Variants in SLC28A1 observed in about 807,000 individuals in gnomAD.
The protein encoded by SLC28A1 is solute carrier family 28 member 1.
Under a neutral mutation model 74.8 loss-of-function variants are expected in SLC28A1, and 64 were observed. The observed-to-expected ratio is 0.86, with a 90% CI of 0.70 to 1.05. The LOEUF is 1.05. SLC28A1 is among the 50% of genes least tolerant of loss of function. The probability of loss-of-function intolerance (pLI) is 0.00; values close to 1 mark genes in which losing one functional copy is unlikely to be tolerated. For synonymous variants in SLC28A1, 359 were observed against 335.0 expected (o/e 1.07, Z -0.78); for missense variants, 828 against 822.8 (o/e 1.01, Z -0.08).
chr15:84,953,817 G>C, the SLC28A1 span, among the ~76,000 whole-genome samples: 28 of 152,292 alleles, frequency 1.8e-4, no homozygotes, highest in African/African-American at 6.3e-4. Context: ...AATCAGAGGG[G>C]TATATTACTT....
At chr15:84,909,654 A>C (rs1967840116) in intron 9 of SLC28A1, among the ~76,000 whole-genome samples, 1 of 152,042 alleles carries the variant, frequency 6.6e-6, no homozygotes, top group Non-Finnish European at 1.5e-5. Context: ...CCTGTCTTAC[A>C]CTCCAACTGT....
chr15:84,893,345 C>T (rs1262220725), intron 5 of SLC28A1, among the ~76,000 whole-genome samples: 1 of 152,188 alleles, frequency 6.6e-6, no homozygotes, highest in Non-Finnish European at 1.5e-5. Flanking sequence ...CCCCCATGGC[C>T]GGTGCCAGCA....
At chr15:84,959,716 T>G in the SLC28A1 span, among the ~76,000 whole-genome samples, 1 of 152,224 alleles carries the variant, frequency 6.6e-6, no homozygotes, top group Non-Finnish European at 1.5e-5. Flanking sequence ...AGTAATATCA[T>G]TTCCTGTGTC....
Position 84,888,810 on chromosome 15 carries a change from A to G in SLC28A1, c.135A>G (p.Ala45=). 6.4e-7 allele frequency: 1 copy of G among 1,554,916 alleles called. No individual in the cohort carries two copies. The highest frequency in any genetic ancestry group is 1.4e-5 in the African/African-American group (1 of 73,332). Residue 45 remains alanine, a synonymous_variant, in exon 4 of 19, where the codon GCA becomes GCG. Transcript: ENST00000394573. ...TCCCTAGGAGTGACTTGAGCCCCGCAGAGATCAGGAGCAGCTGGAGCGAGG... is the reference window on the plus strand; with the variant it reads ...TCCCTAGGAGTGACTTGAGCCCCGCGGAGATCAGGAGCAGCTGGAGCGAGG... ...GQLPRSDLSP[A]EIRSSWSEAA...
intron 2 of SLC28A1, chr15:84,887,432 C>T (rs1420122667): frequency 6.1e-6 from 6 of 983,550 alleles, no homozygotes; most frequent in African/African-American, 1.7e-5. Context: ...GCCTGTAATC[C>T]CAACACTTTG....
the SLC28A1 span, among the ~76,000 whole-genome samples, chr15:84,972,242 G>A: frequency 6.6e-6 from 1 of 152,214 alleles, no homozygotes; most frequent in Non-Finnish European, 1.5e-5. Flanking sequence ...GGAGGAAAGG[G>A]ATGGAAAGAA....
At chr15:84,919,461 G>T (rs1349230852) in intron 10 of SLC28A1, among the ~76,000 whole-genome samples, 1 of 152,294 alleles carries the variant, frequency 6.6e-6, no homozygotes, top group African/African-American at 2.4e-5. Flanking sequence ...ATAAAGAAAA[G>T]AGATTTATTT....
the SLC28A1 span, among the ~76,000 whole-genome samples, chr15:84,960,458 A>G: frequency 6.6e-6 from 1 of 151,914 alleles, no homozygotes; most frequent in African/African-American, 2.4e-5. Flanking sequence ...GGGTTGCACT[A>G]TGTTGCCCAG....
the SLC28A1 span, among the ~76,000 whole-genome samples, chr15:84,958,262 G>A: frequency 2.0e-3 from 306 of 152,262 alleles, 1 homozygote; most frequent in African/African-American, 7.1e-3. Context: ...CTGGAACCCT[G>A]TGTTATCTTA....
At chr15:84,972,590 C>T in the SLC28A1 span, among the ~76,000 whole-genome samples, 1 of 152,226 alleles carries the variant, frequency 6.6e-6, no homozygotes, top group Admixed American at 6.5e-5. Context: ...AATCTCAATA[C>T]TTCTAGCCAC....
chr15:84,928,518 G>GGTTCTTTC lies in SLC28A1; in HGVS notation c.1083+4412_1083+4413insTTTCGTTC, dbSNP rs1555453765. Among the ~76,000 whole-genome samples the GGTTCTTTC allele has an allele frequency of 1.8e-4, 6 of 34,064 alleles. 1 individual carries two copies. Among genetic ancestry groups the GGTTCTTTC allele is most frequent in the Admixed American group, 6.3e-4 (2 of 3,176 alleles). 22.3% of individuals were successfully genotyped at this position (34,064 alleles called of 152,430 possible). ...TCTTGCCCTTTCCTTCAAGCTCCCA[G>GGTTCTTTC]GTTCGTTCGTTCTTTCTTTCTTTCT... is the stretch of plus-strand genomic sequence containing the variant. On this transcript the variant is annotated intron_variant, in intron 12 of 18. Transcript: ENST00000394573.
chr15:84,888,935 C>T (rs1379143875), intron 4 of SLC28A1, 75 bp downstream of exon 4: 6 of 1,065,604 alleles, frequency 5.6e-6, no homozygotes, highest in Non-Finnish European at 2.8e-6. Flanking sequence ...AGCCGGGCCT[C>T]CTGGCGGATG....
chr15:84,936,160 G>A (rs1254786304), intron 15 of SLC28A1, among the ~76,000 whole-genome samples: 2 of 150,856 alleles, frequency 1.3e-5, no homozygotes, highest in African/African-American at 4.9e-5. Flanking sequence ...TTTCATCGTG[G>A]TCTTGATCTC....
chr15:84,889,921 C>T (rs553127626), intron 4 of SLC28A1, among the ~76,000 whole-genome samples: 2 of 151,298 alleles, frequency 1.3e-5, no homozygotes, highest in South Asian at 2.1e-4. Flanking sequence ...GTGGCACGAA[C>T]CCTTCCTGGG....
intron 13 of SLC28A1, 28 bp downstream of exon 13, chr15:84,933,303 AGGGTAGT>A: frequency 6.2e-7 from 1 of 1,609,346 alleles, no homozygotes; most frequent in Non-Finnish European, 8.5e-7. Context: ...TCCTGCAGAC[AGGGTAGT>A]GGTACAAGGT....
chr15:84,952,791 C>T, the SLC28A1 span, among the ~76,000 whole-genome samples: 2 of 151,902 alleles, frequency 1.3e-5, no homozygotes, highest in African/African-American at 2.4e-5. Flanking sequence ...CCTGGGAGGT[C>T]GAGGCTGCAG....
chr15:84,951,305 T>G, the SLC28A1 span, among the ~76,000 whole-genome samples: 1 of 151,808 alleles, frequency 6.6e-6, no homozygotes, highest in Non-Finnish European at 1.5e-5. Context: ...GGAATGGTGG[T>G]GGGCACCTGT....
At chr15:84,933,334 C>T (rs1971527727) in intron 13 of SLC28A1, 59 bp downstream of exon 13, 1 of 1,583,776 alleles carries the variant, frequency 6.3e-7, no homozygotes, top group African/African-American at 1.3e-5. Context: ...GGGAGCAAAG[C>T]AGAGGGTCCC....
Position 84,945,409 on chromosome 15 carries a change from C to T in SLC28A1, c.*209C>T, listed in dbSNP as rs2079168796. On this transcript the variant is annotated 3_prime_UTR_variant, in exon 19 of 19. Transcript: ENST00000394573. ...GGACATGTCCCACTCCATCCCCCTT[C>T]CTGCTCCCCCATTTCCTAACTCCCC... 1.7e-6 allele frequency: 1 copy of T among 597,270 alleles called. No individual in the cohort carries two copies. Among genetic ancestry groups the T allele is most frequent in the Non-Finnish European group, 3.1e-6 (1 of 327,024 alleles). The allele number at this position is 597,270 out of a possible 1,614,324, so 37.0% of individuals were successfully genotyped here. A position where few individuals can be genotyped will look rare whatever the true frequency, so the allele number is the denominator to read the frequency against.
Sources: gnomAD v4.1 joint callset for allele counts (sites outside exome capture counted in the v4.1 genomes callset) on GRCh38, gnomAD v4.1.1 for gene constraint, MANE v1.5 for transcripts, NCBI Gene and HGNC (gene_info 2026-07-23, HGNC 2026-07-21) for gene names.